TRIM42: variants seen among roughly 807,000 people sequenced by gnomAD.
The protein encoded by TRIM42 is tripartite motif containing 42, also known as tripartite motif-containing protein 42.
Under a neutral mutation model 64.9 loss-of-function variants are expected in TRIM42, and 59 were observed. That is an observed-to-expected ratio of 0.91 (90% CI 0.74 to 1.13). TRIM42 has a LOEUF of 1.13. Ranked by LOEUF, TRIM42 falls within the 50% of genes most tolerant of loss-of-function variation. TRIM42 has a pLI of 0.00. For missense variants in TRIM42, 878 were observed against 929.5 expected, an observed-to-expected ratio of 0.94 and a Z score of 0.72; for synonymous variants, 354 against 346.3, an observed-to-expected ratio of 1.02 and a Z score of -0.25.
chr3:140,682,281 G>A (rs980575745), intron 1 of TRIM42, among the ~76,000 whole-genome samples, 181 bp from the exon 2 acceptor site: 3 of 152,132 alleles, frequency 2.0e-5, no homozygotes, highest in South Asian at 2.1e-4. Flanking sequence ...GCTTACCTGA[G>A]GTCACCCCGC....
At chr3:140,692,909 G>T (rs1363457412) in intron 4 of TRIM42, among the ~76,000 whole-genome samples, 2 of 152,166 alleles carry the variant, frequency 1.3e-5, no homozygotes, top group Non-Finnish European at 2.9e-5. Flanking sequence ...GGAAAGAACG[G>T]GTGGAGATAC....
chr3:140,681,626 A>T lies in TRIM42; in HGVS notation c.342-836A>T, dbSNP rs1988396104. Among the ~76,000 whole-genome samples, 4 of 144,176 alleles carry T rather than the reference A, an allele frequency of 2.8e-5. No homozygotes were observed. In the Admixed American group the frequency reaches 2.8e-4, roughly 10 times the overall value. 94.6% of individuals were successfully genotyped at this position (144,176 alleles called of 152,430 possible). On this transcript the variant is annotated intron_variant, in intron 1 of 4. Transcript: ENST00000286349. The stretch of plus-strand genomic sequence containing the variant: ...CTCTGTGTTCCATCTATTTACAATA[A>T]ATAATGTCAATGTCCTCCAGGAAAA...
At chr3:140,688,963 G>T (rs4683516) in intron 3 of TRIM42, among the ~76,000 whole-genome samples, 73,348 of 152,032 alleles carry the variant, frequency 0.48, 18,670 homozygotes, top group Non-Finnish European at 0.57. Context: ...AGCTGTTTCC[G>T]TTAAATTGCT....
Position 140,691,002 on chromosome 3 carries a change from CTT to C in TRIM42, c.1898_1899del (p.Phe633Ter). The C allele has an allele frequency of 1.1e-5, 18 of 1,613,992 alleles. No individual in the cohort carries two copies. The highest frequency in any genetic ancestry group is 1.5e-5 in the Non-Finnish European group (18 of 1,179,970). On this transcript the variant is annotated frameshift_variant, in exon 4 of 5. Coordinates refer to ENST00000286349, the MANE Select transcript of TRIM42 (RefSeq NM_152616.5). LOFTEE classifies it high-confidence loss of function. ...ACATGTCCAGCAGAAGACGTGGACT[CTT>C]TTGAGATGGAATTCTATGAAGTCAT... is the stretch of plus-strand genomic sequence containing the variant.
At chr3:140,693,202 C>T (rs754932732) in intron 4 of TRIM42, among the ~76,000 whole-genome samples, 22 of 152,188 alleles carry the variant, frequency 1.4e-4, no homozygotes, top group African/African-American at 5.1e-4. Context: ...TACAAAGTAC[C>T]GTAAGATGCC....
At chr3:140,692,717 C>T (rs1462202385) in intron 4 of TRIM42, among the ~76,000 whole-genome samples, 1 of 152,178 alleles carries the variant, frequency 6.6e-6, no homozygotes, top group Non-Finnish European at 1.5e-5. Flanking sequence ...ATACCCTTCT[C>T]TTCAGAGCAT....
intron 4 of TRIM42, among the ~76,000 whole-genome samples, 175 bp from the exon 5 acceptor site, chr3:140,700,713 C>T (rs1321686702): frequency 6.6e-6 from 1 of 152,228 alleles, no homozygotes; most frequent in Admixed American, 6.5e-5. Flanking sequence ...CTTTGGGAAA[C>T]CTTCCTGGTC....
At chr3:140,689,323 C>T (rs986878881) in intron 3 of TRIM42, among the ~76,000 whole-genome samples, 1 of 152,194 alleles carries the variant, frequency 6.6e-6, no homozygotes, top group Non-Finnish European at 1.5e-5. Flanking sequence ...CTCTTTCCTC[C>T]TCTTGGATTT....
chr3:140,686,881 C>T (rs957049240), intron 2 of TRIM42, among the ~76,000 whole-genome samples: 3 of 152,290 alleles, frequency 2.0e-5, no homozygotes, highest in South Asian at 2.1e-4. Context: ...AGATGTGCCA[C>T]GTGCTTACCC....
At chr3:140,697,250 T>C (rs577191312) in intron 4 of TRIM42, among the ~76,000 whole-genome samples, 65 of 152,306 alleles carry the variant, frequency 4.3e-4, no homozygotes, top group African/African-American at 1.6e-3. Flanking sequence ...TAGGTAATGG[T>C]TTTAGACATT....
intron 4 of TRIM42, among the ~76,000 whole-genome samples, chr3:140,698,528 G>C (rs1189351358): frequency 1.3e-5 from 2 of 152,186 alleles, no homozygotes; most frequent in African/African-American, 4.8e-5. Context: ...ATAACTGTGA[G>C]ATGGTGGGTA....
intron 3 of TRIM42, among the ~76,000 whole-genome samples, chr3:140,690,417 TA>T (rs1039182300): frequency 1.3e-5 from 2 of 151,254 alleles, no homozygotes; most frequent in Admixed American, 1.3e-4. Flanking sequence ...AGGATTAAAT[TA>T]TTTTGGGAGA....
At chr3:140,693,882 G>C (rs1336901836) in intron 4 of TRIM42, among the ~76,000 whole-genome samples, 1 of 152,156 alleles carries the variant, frequency 6.6e-6, no homozygotes, top group Non-Finnish European at 1.5e-5. Context: ...TCATTTTTAT[G>C]TCAGATGGGG....
chr3:140,690,153 G>A (rs1176417745), intron 3 of TRIM42, among the ~76,000 whole-genome samples: 1 of 152,144 alleles, frequency 6.6e-6, no homozygotes, highest in East Asian at 1.9e-4. Context: ...CAATGCAGAA[G>A]ATTAAGTTTA....
At chr3:140,698,478 G>A (rs974910158) in intron 4 of TRIM42, among the ~76,000 whole-genome samples, 1 of 152,150 alleles carries the variant, frequency 6.6e-6, no homozygotes, top group Non-Finnish European at 1.5e-5. Context: ...TAGAAAATTT[G>A]TTAAGATTTT....
rs28594654 is a variant in TRIM42 at position 140,688,105 on chromosome 3, G to T, written c.1423G>T (p.Val475Leu). Residue 475 changes from valine (V) to leucine (L), a missense_variant, in exon 3 of 5, where the codon GTG becomes TTG. Val to Leu is a conservative substitution (Grantham distance 32). Coordinates refer to ENST00000286349, the MANE Select transcript of TRIM42 (RefSeq NM_152616.5). ...PQLRLHSINY[V>L]PLDFVELSSA... ...GCTCCGGCTGCACTCAATAAACTAC[G>T]TGCCCTTGGACTTTGTTGAGCTTTC... The T allele has an allele frequency of 3.8e-5, 62 of 1,613,660 alleles. No homozygotes were observed. Among genetic ancestry groups the T allele is most frequent in the Non-Finnish European group, 4.6e-5 (54 of 1,179,946 alleles).
At chr3:140,683,213 G>A (rs1559936003) in intron 2 of TRIM42, 54 bp downstream of exon 2, 2 of 1,578,056 alleles carry the variant, frequency 1.3e-6, no homozygotes, top group Middle Eastern at 1.7e-4. Flanking sequence ...AACACATGGG[G>A]AAGATGGCGT....
chr3:140,688,543 G>C lies in TRIM42; in HGVS notation c.1860+1G>C. The C allele has an allele frequency of 6.2e-7, 1 of 1,601,878 alleles. No individual in the cohort carries two copies. The highest frequency in any genetic ancestry group is 8.5e-7 in the Non-Finnish European group (1 of 1,173,484). On this transcript the variant is annotated splice_donor_variant, in intron 3 of 4. Transcript: ENST00000286349. LOFTEE classifies it high-confidence loss of function. ...TCTGGTGTACCCAAGAGCTGCCAAG[G>C]TAAGAAAGGTTCTGGGCCCAGTGGG...
Position 140,691,083 on chromosome 3 carries a change from T to C in TRIM42, c.1976T>C (p.Ile659Thr), listed in dbSNP as rs774088664. Residue 659 changes from isoleucine (I) to threonine (T), a missense_variant, in exon 4 of 5, where the codon ATA becomes ACA. Ile to Thr is a moderately conservative substitution (Grantham distance 89, BLOSUM62 -1). Coordinates refer to ENST00000286349, the MANE Select transcript of TRIM42 (RefSeq NM_152616.5). ...QMELCGQIRDIMQQNLELHNL... is the reference protein window; with the variant it reads ...QMELCGQIRDTMQQNLELHNL... Reference sequence around the variant, plus strand: ...GAGCTCTGTGGACAAATTCGGGACATAATGCAGCAAAATCTGGAGCTGCAC... The same window carrying C: ...GAGCTCTGTGGACAAATTCGGGACACAATGCAGCAAAATCTGGAGCTGCAC... The C allele has an allele frequency of 1.2e-6, 2 of 1,614,096 alleles. No homozygotes were observed. Among genetic ancestry groups the C allele is most frequent in the Admixed American group, 1.7e-5 (1 of 60,016 alleles).
Sources: allele counts gnomAD v4.1 joint callset (sites outside exome capture counted in the v4.1 genomes callset), GRCh38; gene constraint gnomAD v4.1.1; transcripts MANE v1.5; gene names NCBI Gene and HGNC (gene_info 2026-07-23, HGNC 2026-07-21).